Variants in ARMC9 observed in about 807,000 individuals in gnomAD.
The protein encoded by ARMC9 is lisH domain-containing protein ARMC9.
ARMC9 carries 94 observed loss-of-function variants against 107.0 expected under a neutral mutation model. The observed-to-expected ratio is 0.88, with a 90% confidence interval of 0.74 to 1.04. ARMC9 has a LOEUF of 1.04. ARMC9 is among the 50% of genes least tolerant of loss of function. The pLI is 0.00. For synonymous variants in ARMC9, 380 were observed against 396.9 expected (o/e 0.96, Z 0.51); for missense variants, 942 against 1,030.1 (o/e 0.91, Z 1.17).
chr2:231,366,181 C>T (rs2045810168), intron 23 of ARMC9, among the ~76,000 whole-genome samples: 1 of 152,190 alleles, frequency 6.6e-6, no homozygotes, highest in Non-Finnish European at 1.5e-5. Flanking sequence ...CAAAGGCCAT[C>T]AGTTGGCAGA....
At chr2:231,346,820 T>C (rs2044836416) in intron 21 of ARMC9, among the ~76,000 whole-genome samples, 1 of 152,208 alleles carries the variant, frequency 6.6e-6, no homozygotes, top group South Asian at 2.1e-4. Context: ...ATACGGTCAG[T>C]TACCAATTAC....
At chr2:231,202,667 T>C (rs925986278) in intron 1 of ARMC9, among the ~76,000 whole-genome samples, 1 of 152,012 alleles carries the variant, frequency 6.6e-6, no homozygotes, top group African/African-American at 2.4e-5. Flanking sequence ...TCAGCACCCA[T>C]ATTCTCTGCT....
intron 3 of ARMC9, among the ~76,000 whole-genome samples, chr2:231,210,152 C>G (rs1221366198): frequency 1.3e-5 from 2 of 152,196 alleles, no homozygotes; most frequent in Non-Finnish European, 2.9e-5. Context: ...GAGAGAGGGG[C>G]ACTTTTGAAG....
intron 9 of ARMC9, 61 bp from the exon 10 acceptor site, chr2:231,256,525 G>A (rs2125404170): frequency 6.3e-7 from 1 of 1,576,338 alleles, no homozygotes; most frequent in East Asian, 2.2e-5. Context: ...GGTGATTTGG[G>A]ATCCGTGCAT....
Position 231,274,211 on chromosome 2 carries a change from G to C in ARMC9, c.1334+1133G>C, listed in dbSNP as rs150336590. 3.5e-3 allele frequency among the ~76,000 whole-genome samples: 531 copies of C among 152,146 alleles called. 4 individuals are homozygous for C. The highest frequency in any genetic ancestry group is 0.012 in the African/African-American group (497 of 41,488). ...TGGCTCACTGCAACCTCCGCCTCCC[G>C]GGTTCAACCAATTCTCCTGCCTCAA... On this transcript the variant is annotated intron_variant, in intron 14 of 24. Coordinates refer to ENST00000611582, the MANE Select transcript of ARMC9 (RefSeq NM_001352754.2).
chr2:231,296,249 A>T lies in ARMC9; in HGVS notation c.1769A>T (p.Asp590Val). ...LESDDDEDEDDEEDHDIMEAD... is the reference protein window; with the variant it reads ...LESDDDEDEDVEEDHDIMEAD... ...TCTGATGATGATGAAGATGAAGATGATGAAGTAAGTTGGAGGTTCTTGACA... is the reference window on the plus strand; with the variant it reads ...TCTGATGATGATGAAGATGAAGATGTTGAAGTAAGTTGGAGGTTCTTGACA... Residue 590 changes from aspartate (D) to valine (V), a missense_variant, in exon 19 of 25, where the codon GAT (aspartate) becomes GTT (valine). Physicochemically the swap from Asp to Val is radical, Grantham distance 152. Coordinates refer to ENST00000611582, the MANE Select transcript of ARMC9 (RefSeq NM_001352754.2). 1 of 1,613,314 alleles carries T rather than the reference A, an allele frequency of 6.2e-7. No homozygotes were observed. The highest frequency in any genetic ancestry group is 8.5e-7 in the Non-Finnish European group (1 of 1,179,520).
intron 7 of ARMC9, among the ~76,000 whole-genome samples, chr2:231,229,218 C>T (rs193091359): frequency 6.6e-6 from 1 of 152,102 alleles, no homozygotes; most frequent in Non-Finnish European, 1.5e-5. Context: ...GCATGACAGT[C>T]ATTTGTCACC....
chr2:231,298,608 A>G (rs1020330995), intron 19 of ARMC9, among the ~76,000 whole-genome samples: 1 of 152,186 alleles, frequency 6.6e-6, no homozygotes, highest in Admixed American at 6.5e-5. Flanking sequence ...CAGAAAAATG[A>G]AACCACTGTT....
At chr2:231,271,149 T>G in intron 13 of ARMC9, 77 bp downstream of exon 13, 6 of 1,407,008 alleles carry the variant, frequency 4.3e-6, no homozygotes, top group Non-Finnish European at 4.9e-6. Context: ...TGAGCGTTCC[T>G]CCCAAGTTTC....
At chr2:231,338,410 A>G (rs2044273395) in intron 20 of ARMC9, among the ~76,000 whole-genome samples, 1 of 151,822 alleles carries the variant, frequency 6.6e-6, no homozygotes, top group Admixed American at 6.6e-5. Context: ...TATCATTGGT[A>G]GAGATGGGGT....
chr2:231,296,305 C>T lies in ARMC9; in HGVS notation c.1773+52C>T, dbSNP rs764558668. On this transcript the variant is annotated intron_variant, in intron 19 of 24. Transcript: ENST00000611582. ...TAGAAAACCCATACCAAACTATTCT[C>T]TCTTTCCTGCCTTGACAAGTTAGTC... 7 of 1,428,832 alleles carry T rather than the reference C, an allele frequency of 4.9e-6. No individual in the cohort carries two copies. The South Asian group carries it at 8.4e-5, about 17-fold the overall frequency. The allele number at this position is 1,428,832 out of a possible 1,614,324, so 88.5% of individuals were successfully genotyped here. A position where few individuals can be genotyped will look rare whatever the true frequency, so the allele number is the denominator to read the frequency against.
chr2:231,240,745 C>T (rs983797033), intron 9 of ARMC9, among the ~76,000 whole-genome samples: 4 of 152,166 alleles, frequency 2.6e-5, no homozygotes, highest in African/African-American at 9.7e-5. Flanking sequence ...TCAATAATGT[C>T]CTTCACTGCA....
chr2:231,279,711 C>T (rs2040058360), intron 16 of ARMC9, among the ~76,000 whole-genome samples: 1 of 151,842 alleles, frequency 6.6e-6, no homozygotes. Flanking sequence ...GGTGTTTCAC[C>T]ATGTTGGCCA....
intron 15 of ARMC9, among the ~76,000 whole-genome samples, chr2:231,277,851 C>A (rs753960634): frequency 1.3e-5 from 2 of 152,158 alleles, no homozygotes; most frequent in Non-Finnish European, 2.9e-5. Context: ...GCGTAAAGCA[C>A]CGCACCCAGC....
chr2:231,297,757 G>A lies in ARMC9; in HGVS notation c.1773+1504G>A, dbSNP rs1176955380. Among the ~76,000 whole-genome samples, 2 of 152,134 alleles carry A rather than the reference G, an allele frequency of 1.3e-5. No homozygotes were observed. The highest frequency in any genetic ancestry group is 2.9e-5 in the Non-Finnish European group (2 of 68,016). ...GGCAGCCTTCTCTTGATTATAATGA[G>A]TCACCACCTTTGTGCCTGGCCCTTC... On this transcript the variant is annotated intron_variant, in intron 19 of 24. Coordinates refer to ENST00000611582, the MANE Select transcript of ARMC9 (RefSeq NM_001352754.2). This position sits in a 1 kb window ranked among gnomAD's most constrained non-coding sequence, Gnocchi z 4.2.
intron 19 of ARMC9, among the ~76,000 whole-genome samples, chr2:231,322,174 C>T (rs549134683): frequency 5.4e-4 from 83 of 152,336 alleles, no homozygotes; most frequent in Non-Finnish European, 9.6e-4. Context: ...CGCGGGGAGC[C>T]CTCAAGGATC....
At chr2:231,245,690 A>G (rs2036697114) in intron 9 of ARMC9, among the ~76,000 whole-genome samples, 1 of 152,162 alleles carries the variant, frequency 6.6e-6, no homozygotes, top group African/African-American at 2.4e-5. Context: ...TATCTTCTAG[A>G]GTTCTAATTT....
chr2:231,235,426 G>T, intron 8 of ARMC9, 45 bp downstream of exon 8: 1 of 1,609,482 alleles, frequency 6.2e-7, no homozygotes, highest in Non-Finnish European at 8.5e-7. Flanking sequence ...TGGCAATGAA[G>T]AAGGCTTATA....
At chr2:231,237,965 C>T (rs1433219800) in intron 8 of ARMC9, among the ~76,000 whole-genome samples, 1 of 151,462 alleles carries the variant, frequency 6.6e-6, no homozygotes, top group Non-Finnish European at 1.5e-5. Context: ...TCCAAAGTCT[C>T]AAAAGCCACA....
Sources: allele counts gnomAD v4.1 joint callset (sites outside exome capture counted in the v4.1 genomes callset), GRCh38; gene constraint gnomAD v4.1.1; non-coding constraint Gnocchi (gnomAD v3.1); transcripts MANE v1.5; gene names NCBI Gene and HGNC (gene_info 2026-07-23, HGNC 2026-07-21).